The following USP48 variants were observed in gnomAD, a reference collection of about 807,000 sequenced individuals.
USP48 encodes ubiquitin carboxyl-terminal hydrolase 48.
In USP48, 43 loss-of-function variants were observed where a neutral mutation model predicts 150.7. The ratio of observed to expected loss-of-function variants is 0.29; its 90% CI spans 0.22 to 0.37. The LOEUF (loss-of-function observed/expected upper bound fraction) is 0.37. Among genes scored for constraint, USP48 ranks in the 10% least tolerant of loss-of-function variants. The pLI is 1.00. For missense variants in USP48, 813 were observed against 1,249.6 expected, an observed-to-expected ratio of 0.65 and a Z score of 5.27; for synonymous variants, 396 against 425.9, an observed-to-expected ratio of 0.93 and a Z score of 0.86.
chr1:21,769,069 C>T (rs571878931), intron 1 of USP48, among the ~76,000 whole-genome samples: 2 of 152,210 alleles, frequency 1.3e-5, no homozygotes, highest in African/African-American at 4.8e-5. Flanking sequence ...TGAGTTGTTG[C>T]TTTTGCTAAC....
At chr1:21,703,468 C>T in intron 21 of USP48, 44 bp downstream of exon 21, 3 of 1,482,796 alleles carry the variant, frequency 2.0e-6, no homozygotes, top group Middle Eastern at 3.5e-4. Context: ...AGCCAAAGAG[C>T]ACGCTTGATC....
At chr1:21,711,838 A>G (rs1245577520) in intron 15 of USP48, among the ~76,000 whole-genome samples, 1 of 152,216 alleles carries the variant, frequency 6.6e-6, no homozygotes, top group Non-Finnish European at 1.5e-5. Flanking sequence ...AATTACCAAG[A>G]AACAATGGCT....
chr1:21,769,415 A>C (rs571878601), intron 1 of USP48, among the ~76,000 whole-genome samples: 2 of 151,722 alleles, frequency 1.3e-5, no homozygotes, highest in Admixed American at 1.3e-4. Context: ...AGGGGAGCAG[A>C]AACAATTTTT....
intron 11 of USP48, chr1:21,726,435 G>C (rs1277288225): frequency 1.3e-5 from 2 of 152,198 alleles, no homozygotes; most frequent in East Asian, 3.8e-4. Flanking sequence ...ATAGTAAGAG[G>C]AGGAAGACAG....
intron 8 of USP48, among the ~76,000 whole-genome samples, chr1:21,746,860 A>G (rs1342856212): frequency 1.3e-5 from 2 of 152,188 alleles, no homozygotes; most frequent in Non-Finnish European, 2.9e-5. Flanking sequence ...TCGATGAACC[A>G]CCTCATCTTT....
intron 3 of USP48, among the ~76,000 whole-genome samples, chr1:21,755,936 C>T (rs998926151): frequency 8.6e-5 from 13 of 152,018 alleles, no homozygotes; most frequent in Admixed American, 2.0e-4. Context: ...GAAGCCGAGG[C>T]GGGTGGATCA....
rs1255320929 is a variant in USP48 at position 21,724,411 on chromosome 1, G to C, written c.1451-316C>G. 12 of 513,878 alleles carry C rather than the reference G, an allele frequency of 2.3e-5. No homozygotes were observed. In the East Asian group the frequency reaches 3.6e-4, roughly 16 times the overall value. The allele number at this position is 513,878 out of a possible 1,614,324, so 31.8% of individuals were successfully genotyped here. The stretch of plus-strand genomic sequence containing the variant: ...GAATAGCACAGCAGAGCTTTGATCA[G>C]GACACCCATGTTTGTTGACTACAAG... On this transcript the variant is annotated intron_variant, in intron 11 of 26. Coordinates refer to ENST00000308271, the MANE Select transcript of USP48 (RefSeq NM_032236.8).
chr1:21,728,306 C>G (rs552277630), intron 11 of USP48: 7 of 1,178,286 alleles, frequency 5.9e-6, no homozygotes, highest in South Asian at 3.8e-5. Context: ...TAAATATCTA[C>G]AATACTCATG....
At chr1:21,687,368 TCAG>T (rs2097582842) in intron 24 of USP48, 129 bp from the exon 25 acceptor site, 3 of 866,462 alleles carry the variant, frequency 3.5e-6, no homozygotes, top group East Asian at 2.7e-5. Context: ...TAACTCAGTT[TCAG>T]CCACAGCCAG....
intron 22 of USP48, among the ~76,000 whole-genome samples, chr1:21,697,191 T>C (rs1358548064): frequency 1.3e-5 from 2 of 151,976 alleles, no homozygotes; most frequent in Admixed American, 6.6e-5. Context: ...AGAGCATTTG[T>C]TCAGGGTGCC....
intron 5 of USP48, 148 bp from the exon 6 acceptor site, chr1:21,751,763 T>C: frequency 1.5e-6 from 1 of 676,440 alleles, no homozygotes; most frequent in East Asian, 2.7e-5. Context: ...AAATGAAATA[T>C]AATCCCAGCA....
rs1183518989 is a variant in USP48, at chr1:21,745,187, C to T, written c.991+1880G>A. On this transcript the variant is annotated intron_variant, in intron 8 of 26. Transcript: ENST00000308271. Reference sequence around the variant, plus strand: ...AGTCTTCTACCTATATAAGGTACAGCAAGCATTACGACAGCGTGTAAAAGA... The same window carrying T: ...AGTCTTCTACCTATATAAGGTACAGTAAGCATTACGACAGCGTGTAAAAGA... 2.6e-5 allele frequency among the ~76,000 whole-genome samples: 4 copies of T among 152,190 alleles called. No homozygotes were observed. In the East Asian group the frequency reaches 5.8e-4, roughly 22 times the overall value.
chr1:21,715,357 TA>T (rs768889474), intron 15 of USP48, 31 bp downstream of exon 15: 2 of 1,531,036 alleles, frequency 1.3e-6, no homozygotes, highest in South Asian at 2.3e-5. Flanking sequence ...AAAAGGACAA[TA>T]AAACAGAATT....
At position 21,757,740 on chromosome 1, in the gene USP48, CACCAAT is replaced by C; in HGVS notation, c.172_177del (p.Ile58_Gly59del). 1 of 1,612,156 alleles carries C rather than the reference CACCAAT, an allele frequency of 6.2e-7. No homozygotes were observed. The highest frequency in any genetic ancestry group is 8.5e-7 in the Non-Finnish European group (1 of 1,179,328). On this transcript the variant is annotated inframe_deletion, in exon 2 of 27. Coordinates refer to ENST00000308271, the MANE Select transcript of USP48 (RefSeq NM_032236.8). ...TCTATTTCTCCTAACCAAATATGCTCACCAATACCAACCAAGCAATTCGGATTTCCT... is the reference window on the plus strand; with the variant it reads ...TCTATTTCTCCTAACCAAATATGCTCACCAACCAAGCAATTCGGATTTCCT...
intron 15 of USP48, among the ~76,000 whole-genome samples, chr1:21,709,577 T>C (rs1387475408): frequency 6.9e-6 from 1 of 144,858 alleles, no homozygotes; most frequent in Non-Finnish European, 1.6e-5. Context: ...GGTTTCCTTT[T>C]TATGCTTTAA....
rs139216723 is a variant in USP48, at chr1:21,703,726, C to T, written c.2516-108G>A. 596 of 869,194 alleles carry T rather than the reference C, an allele frequency of 6.9e-4. 3 individuals are homozygous for T. In the African/African-American group the frequency reaches 9.0e-3, roughly 13 times the overall value. The allele number at this position is 869,194 out of a possible 1,614,324, so 53.8% of individuals were successfully genotyped here. A position where few individuals can be genotyped will look rare whatever the true frequency, so the allele number is the denominator to read the frequency against. On this transcript the variant is annotated intron_variant, in intron 20 of 26. Transcript: ENST00000308271. Reference sequence around the variant, plus strand: ...AAGTTACTAGTGAATATTCATTAAACTCTTAGTAACATTTTCTTTTTTTGA... The same window carrying T: ...AAGTTACTAGTGAATATTCATTAAATTCTTAGTAACATTTTCTTTTTTTGA...
intron 8 of USP48, among the ~76,000 whole-genome samples, chr1:21,746,640 A>C (rs1293963883): frequency 6.6e-6 from 1 of 152,188 alleles, no homozygotes; most frequent in Non-Finnish European, 1.5e-5. Flanking sequence ...TGCAGATATG[A>C]AAAATGAAAG....
chr1:21,708,413 G>A (rs1224189167), intron 15 of USP48, among the ~76,000 whole-genome samples: 2 of 151,916 alleles, frequency 1.3e-5, no homozygotes, highest in East Asian at 1.9e-4. Flanking sequence ...CAGAAGAATC[G>A]TTTGAATGCA....
chr1:21,729,789 T>C lies in USP48; in HGVS notation c.1215A>G (p.Lys405=). 1 of 1,614,154 alleles carries C rather than the reference T, an allele frequency of 6.2e-7. No homozygotes were observed. The highest frequency in any genetic ancestry group is 8.5e-7 in the Non-Finnish European group (1 of 1,179,992). Residue 405 remains lysine, a synonymous_variant, in exon 10 of 27, where the codon AAA becomes AAG. Coordinates refer to ENST00000308271, the MANE Select transcript of USP48 (RefSeq NM_032236.8). ...ATGCATTTCGAGAGCAATGAGTTCC[T>C]TTGCCACACTTGGGTTTACGTGTCT... ...KSQTRKPKCG[K]GTHCSRNAYM... is the part of the protein sequence containing the mutation.
Sources: allele counts gnomAD v4.1 joint callset (sites outside exome capture counted in the v4.1 genomes callset), GRCh38; gene constraint gnomAD v4.1.1; transcripts MANE v1.5; gene names NCBI Gene and HGNC (gene_info 2026-07-23, HGNC 2026-07-21).